The following SYNPR variants were observed in gnomAD, a reference collection of about 807,000 sequenced individuals.
SYNPR encodes synaptoporin.
Under a neutral mutation model 32.9 loss-of-function variants are expected in SYNPR, and 23 were observed. The observed-to-expected ratio is 0.70, with a 90% CI of 0.50 to 0.99. The LOEUF is 0.99. Among genes scored for constraint, SYNPR ranks in the 50% least tolerant of loss-of-function variants. The pLI is 0.00. For synonymous variants in SYNPR, 146 were observed against 135.9 expected, an observed-to-expected ratio of 1.07 and a Z score of -0.52; for missense variants, 318 against 349.3, an observed-to-expected ratio of 0.91 and a Z score of 0.71.
At chr3:63,565,366 G>A (rs1203855681) in intron 4 of SYNPR, among the ~76,000 whole-genome samples, 1 of 152,186 alleles carries the variant, frequency 6.6e-6, no homozygotes, top group East Asian at 1.9e-4. Context: ...CCAAGATCAA[G>A]TTTCCAGCAG....
chr3:63,294,028 A>G (rs967556511), intron 2 of SYNPR, among the ~76,000 whole-genome samples: 2 of 152,140 alleles, frequency 1.3e-5, no homozygotes, highest in Non-Finnish European at 2.9e-5. Flanking sequence ...TCTCCTTAAT[A>G]TATTGTGAAT....
In SYNPR at chr3:63,475,765, G is replaced by T. The variant is rs911436035; in HGVS notation, c.85-5067G>T. On this transcript the variant is annotated intron_variant, in intron 2 of 5. Transcript: ENST00000478300. ...CTTTTCTCACTCCTTAGCCTTCCAG[G>T]TCTCACCCCCAGTTTTCATTCCATC... 2.0e-5 allele frequency among the ~76,000 whole-genome samples: 3 copies of T among 151,854 alleles called. No individual in the cohort carries two copies. The South Asian group carries it at 6.2e-4, about 32-fold the overall frequency.
At chr3:63,401,121 G>A (rs971731042) in intron 2 of SYNPR, among the ~76,000 whole-genome samples, 1 of 152,020 alleles carries the variant, frequency 6.6e-6, no homozygotes. Context: ...GGCCTATAAT[G>A]CAGGTGGGAA....
intron 2 of SYNPR, among the ~76,000 whole-genome samples, chr3:63,455,457 C>G (rs1461488241): frequency 6.6e-6 from 1 of 152,060 alleles, no homozygotes; most frequent in Non-Finnish European, 1.5e-5. Context: ...CATGCCTTTG[C>G]TTCTTTCACA....
chr3:63,234,735 A>C (rs2086189309), intron 1 of SYNPR, among the ~76,000 whole-genome samples: 1 of 152,212 alleles, frequency 6.6e-6, no homozygotes, highest in African/African-American at 2.4e-5. Context: ...TTGTTACTAG[A>C]AAGTAGCATG....
At position 63,553,453 on chromosome 3, in the gene SYNPR, C is replaced by A. The variant is rs182701659; in HGVS notation, c.210-3090C>A. Among the ~76,000 whole-genome samples, 78 of 152,230 alleles carry A rather than the reference C, an allele frequency of 5.1e-4. 1 individual carries two copies. Among genetic ancestry groups the A allele is most frequent in the Non-Finnish European group, 7.4e-5 (5 of 68,022 alleles). On this transcript the variant is annotated intron_variant, in intron 3 of 5. Coordinates refer to ENST00000478300, the MANE Select transcript of SYNPR (RefSeq NM_001130003.2). ...TGATCTATTTTCCTTTGGGTATATA[C>A]CCAGTACTGGGATTGCTGGGTCAAA...
intron 2 of SYNPR, among the ~76,000 whole-genome samples, chr3:63,419,838 T>C (rs574480232): frequency 6.6e-6 from 1 of 152,332 alleles, no homozygotes; most frequent in African/African-American, 2.4e-5. Flanking sequence ...AGAGAACATA[T>C]CATTTTAGAC....
intron 2 of SYNPR, chr3:63,351,571 G>C (rs1483625202): frequency 6.6e-6 from 1 of 152,164 alleles, no homozygotes; most frequent in Non-Finnish European, 1.5e-5. Context: ...GGAGCAGTGG[G>C]TGATAACACT....
intron 2 of SYNPR, among the ~76,000 whole-genome samples, chr3:63,440,871 G>A (rs1409419505): frequency 1.3e-5 from 2 of 152,164 alleles, no homozygotes; most frequent in African/African-American, 2.4e-5. Context: ...AGCAGGGCCT[G>A]AGCGTGGATT....
intron 2 of SYNPR, among the ~76,000 whole-genome samples, chr3:63,392,914 C>T (rs1389388091): frequency 6.6e-6 from 1 of 152,146 alleles, no homozygotes; most frequent in Non-Finnish European, 1.5e-5. Context: ...CTGCCTTCCT[C>T]AGGGGCAAGG....
At chr3:63,515,055 A>G (rs1056798762) in intron 3 of SYNPR, among the ~76,000 whole-genome samples, 5 of 152,152 alleles carry the variant, frequency 3.3e-5, no homozygotes, top group Non-Finnish European at 7.4e-5. Context: ...TTACAAAGCA[A>G]TGTTCAACGG....
At chr3:63,236,667 A>C (rs975978249) in intron 1 of SYNPR, among the ~76,000 whole-genome samples, 2 of 152,112 alleles carry the variant, frequency 1.3e-5, no homozygotes, top group African/African-American at 4.8e-5. Flanking sequence ...TCCTGTGTTC[A>C]TTGTGAGTAT....
At chr3:63,375,075 A>G (rs1196413842) in intron 2 of SYNPR, among the ~76,000 whole-genome samples, 1 of 152,196 alleles carries the variant, frequency 6.6e-6, no homozygotes, top group African/African-American at 2.4e-5. Context: ...GGAAAAACAG[A>G]TGCTGGAGAG....
intron 3 of SYNPR, among the ~76,000 whole-genome samples, chr3:63,522,771 C>T (rs957298540): frequency 2.0e-5 from 3 of 151,936 alleles, no homozygotes; most frequent in African/African-American, 4.8e-5. Context: ...GGGAGCATAG[C>T]GGATGAAACA....
intron 2 of SYNPR, among the ~76,000 whole-genome samples, chr3:63,387,098 G>A (rs563306709): frequency 7.1e-4 from 108 of 152,290 alleles, no homozygotes; most frequent in African/African-American, 2.5e-3. Flanking sequence ...AAGAGCAAAA[G>A]TGTCTTCCAC....
At chr3:63,340,618 A>C (rs1341424777) in intron 2 of SYNPR, among the ~76,000 whole-genome samples, 1 of 151,376 alleles carries the variant, frequency 6.6e-6, no homozygotes, top group Admixed American at 6.6e-5. Flanking sequence ...ACGGGGTTTC[A>C]CCGTTTTAGC....
At chr3:63,483,697 C>T (rs1701091164) in intron 3 of SYNPR, among the ~76,000 whole-genome samples, 1 of 152,066 alleles carries the variant, frequency 6.6e-6, no homozygotes, top group Non-Finnish European at 1.5e-5. Flanking sequence ...AAATAACTTA[C>T]AGGAACCCCA....
intron 3 of SYNPR, among the ~76,000 whole-genome samples, chr3:63,271,866 C>T (rs946643091): frequency 1.1e-4 from 16 of 151,850 alleles, no homozygotes; most frequent in African/African-American, 3.4e-4. Context: ...TATGTGTATC[C>T]GTACATCCCC....
chr3:63,444,761 T>C (rs1219295180), intron 2 of SYNPR, among the ~76,000 whole-genome samples: 2 of 152,176 alleles, frequency 1.3e-5, no homozygotes, highest in African/African-American at 4.8e-5. Context: ...CACACTCCAA[T>C]GAAGCTACTC....
Sources: gnomAD v4.1 joint callset for allele counts (sites outside exome capture counted in the v4.1 genomes callset) on GRCh38, gnomAD v4.1.1 for gene constraint, MANE v1.5 for transcripts, NCBI Gene and HGNC (gene_info 2026-07-23, HGNC 2026-07-21) for gene names.